CFAP95: variants seen among roughly 807,000 people sequenced by gnomAD.
CFAP95 encodes the protein cilia- and flagella-associated protein 95.
At chr9:69,834,229 T>A in the CFAP95 span, among the ~76,000 whole-genome samples, 6 of 152,182 alleles carry the variant, frequency 3.9e-5, no homozygotes, top group South Asian at 1.0e-3. Context: ...AGCCCTACTT[T>A]TCCACCACCC....
At chr9:69,840,065 A>C in the CFAP95 span, among the ~76,000 whole-genome samples, 1 of 146,712 alleles carries the variant, frequency 6.8e-6, no homozygotes, top group Non-Finnish European at 1.5e-5. Context: ...CAACAAAAGC[A>C]AAACTTCATG....
At chr9:69,841,990 G>T in the CFAP95 span, among the ~76,000 whole-genome samples, 1 of 152,164 alleles carries the variant, frequency 6.6e-6, no homozygotes, top group East Asian at 1.9e-4. Flanking sequence ...ACTTGTCATT[G>T]CTCTCCCCAT....
chr9:69,864,236 C>G, the CFAP95 span, among the ~76,000 whole-genome samples: 7 of 152,050 alleles, frequency 4.6e-5, no homozygotes, highest in African/African-American at 1.7e-4. Flanking sequence ...TTTATGTAAT[C>G]CACATAATGG....
the CFAP95 span, among the ~76,000 whole-genome samples, chr9:69,836,270 G>A: frequency 6.6e-6 from 1 of 152,014 alleles, no homozygotes; most frequent in Non-Finnish European, 1.5e-5. Context: ...GAGAGTCTGG[G>A]GTGCAACTGT....
At chr9:69,838,654 G>T in the CFAP95 span, among the ~76,000 whole-genome samples, 1 of 151,998 alleles carries the variant, frequency 6.6e-6, no homozygotes, top group African/African-American at 2.4e-5. Context: ...GGGTTTTCTA[G>T]ATATATAATC....
chr9:69,869,375 C>G, the CFAP95 span, among the ~76,000 whole-genome samples: 1 of 152,146 alleles, frequency 6.6e-6, no homozygotes, highest in Non-Finnish European at 1.5e-5. Context: ...ACTGCATAAT[C>G]TCACTTCTAC....
the CFAP95 span, among the ~76,000 whole-genome samples, chr9:69,848,303 C>T: frequency 1.3e-5 from 2 of 152,124 alleles, no homozygotes; most frequent in Admixed American, 6.5e-5. Context: ...CAGAGCCTGT[C>T]GAACAGCATC....
the CFAP95 span, among the ~76,000 whole-genome samples, chr9:69,892,274 T>G: frequency 1.3e-5 from 2 of 152,228 alleles, no homozygotes; most frequent in Admixed American, 1.3e-4. Flanking sequence ...GTTCTGTGTC[T>G]GATGGCTAAG....
the CFAP95 span, among the ~76,000 whole-genome samples, chr9:69,843,135 C>T: frequency 1.3e-3 from 205 of 152,222 alleles, 3 homozygotes; most frequent in African/African-American, 4.7e-3. Flanking sequence ...CAACTGAAGG[C>T]AGGGACTCCA....
chr9:69,851,362 A>G, the CFAP95 span, among the ~76,000 whole-genome samples: 1 of 152,170 alleles, frequency 6.6e-6, no homozygotes, highest in African/African-American at 2.4e-5. Context: ...CTCAGATAAT[A>G]AGAAGCCTAT....
chr9:69,859,425 A>T, the CFAP95 span, among the ~76,000 whole-genome samples: 317 of 151,702 alleles, frequency 2.1e-3, 2 homozygotes, highest in African/African-American at 7.2e-3. Context: ...TAGCTTTAAA[A>T]TTTTTTTTCT....
At chr9:69,849,879 G>A in the CFAP95 span, among the ~76,000 whole-genome samples, 7,674 of 152,182 alleles carry the variant, frequency 0.05, 630 homozygotes, top group African/African-American at 0.17. Flanking sequence ...GGGTAATAGC[G>A]TTCTAAACTA....
At chr9:69,843,441 C>T in the CFAP95 span, among the ~76,000 whole-genome samples, 1 of 89,152 alleles carries the variant, frequency 1.1e-5, no homozygotes, top group African/African-American at 4.4e-5. Context: ...CTTCCTTCTT[C>T]CCCCTCCCCT....
chr9:69,827,663 C>T, the CFAP95 span, among the ~76,000 whole-genome samples: 4 of 152,292 alleles, frequency 2.6e-5, no homozygotes, highest in Admixed American at 6.5e-5. Flanking sequence ...CTGGTCCAAC[C>T]GCTGTGCATG....
chr9:69,865,829 A>G, the CFAP95 span, among the ~76,000 whole-genome samples: 1 of 152,212 alleles, frequency 6.6e-6, no homozygotes, highest in Admixed American at 6.5e-5. Context: ...AAAAGCAAAC[A>G]TCATGTAAGT....
At chr9:69,880,973 T>G in the CFAP95 span, among the ~76,000 whole-genome samples, 1 of 152,236 alleles carries the variant, frequency 6.6e-6, no homozygotes, top group East Asian at 1.9e-4. Flanking sequence ...GAGAAATGTC[T>G]ATTCAAATCT....
At chr9:69,866,806 A>G in the CFAP95 span, among the ~76,000 whole-genome samples, 1 of 152,210 alleles carries the variant, frequency 6.6e-6, no homozygotes, top group African/African-American at 2.4e-5. Flanking sequence ...CTCAAATCAA[A>G]TGTTCCATTT....
chr9:69,849,262 G>A, the CFAP95 span, among the ~76,000 whole-genome samples: 1 of 151,994 alleles, frequency 6.6e-6, no homozygotes, highest in Non-Finnish European at 1.5e-5. Flanking sequence ...CTAGAACATA[G>A]TGGATGCTCA....
At chr9:69,900,265 C>T in the CFAP95 span, among the ~76,000 whole-genome samples, 1 of 152,138 alleles carries the variant, frequency 6.6e-6, no homozygotes, top group Non-Finnish European at 1.5e-5. Context: ...TTTCTCTCCT[C>T]ATGACTATTG....
Sources: gnomAD v4.1 joint callset for allele counts (sites outside exome capture counted in the v4.1 genomes callset) on GRCh38, gnomAD v4.1.1 for gene constraint, MANE v1.5 for transcripts, NCBI Gene and HGNC (gene_info 2026-07-23, HGNC 2026-07-21) for gene names.